Variants in TESC observed in about 807,000 individuals in gnomAD.
The protein encoded by TESC is tescalcin, also known as calcineurin B homologous protein 3.
In TESC, 19 loss-of-function variants were observed where a neutral mutation model predicts 31.0. The ratio of observed to expected loss-of-function variants is 0.61; its 90% CI spans 0.43 to 0.90. The LOEUF is 0.90. Among genes scored for constraint, TESC ranks in the 40% least tolerant of loss-of-function variants. The pLI is 0.00. For synonymous variants in TESC, 109 were observed against 114.8 expected (o/e 0.95, Z 0.32); for missense variants, 248 against 303.8 (o/e 0.82, Z 1.36).
chr12:117,039,118 G>C lies in TESC; in HGVS notation c.*15C>G. The C allele has an allele frequency of 1.9e-6, 3 of 1,613,540 alleles. No individual in the cohort carries two copies. The highest frequency in any genetic ancestry group is 2.5e-6 in the Non-Finnish European group (3 of 1,179,788). ...CCATTGCAAAGTGCAGTTTCTCCGC[G>C]GAGGTGGCGGTGGGTCAGTGGCAGA... On this transcript the variant is annotated 3_prime_UTR_variant, in exon 8 of 8. Transcript: ENST00000335209.
At chr12:117,062,802 G>A (rs1256653498) in intron 2 of TESC, among the ~76,000 whole-genome samples, 1 of 152,218 alleles carries the variant, frequency 6.6e-6, no homozygotes, top group African/African-American at 2.4e-5. Context: ...CGGGCTGGAT[G>A]AACCGGCTTT....
rs1955439296 is a variant in TESC, at chr12:117,099,235, G to A, written c.48C>T (p.Gly16=). The change falls in exon 1 of 8, where the codon GGC becomes GGT. Residue 16 remains glycine, a synonymous_variant. Coordinates refer to ENST00000335209, the MANE Select transcript of TESC (RefSeq NM_017899.4). The stretch of plus-strand genomic sequence containing the variant: ...CCCGCGGGTACTCACAGCCGGTCTT[G>A]CCCTCGAGCTCCCGCACCTCCTCAG... ...SASEEVRELE[G]KTGFSSDQIE... is the part of the protein sequence containing the mutation. 1 of 1,479,560 alleles carries A rather than the reference G, an allele frequency of 6.8e-7. No homozygotes were observed. Among genetic ancestry groups the A allele is most frequent in the Non-Finnish European group, 8.9e-7 (1 of 1,123,050 alleles). 91.7% of individuals were successfully genotyped at this position (1,479,560 alleles called of 1,614,324 possible).
In TESC at chr12:117,039,115, C is replaced by G. The variant is rs1185710219; in HGVS notation, c.*18G>C. ...GCCCCATTGCAAAGTGCAGTTTCTC[C>G]GCGGAGGTGGCGGTGGGTCAGTGGC... On this transcript the variant is annotated 3_prime_UTR_variant, in exon 8 of 8. Coordinates refer to ENST00000335209, the MANE Select transcript of TESC (RefSeq NM_017899.4). 22 of 1,613,000 alleles carry G rather than the reference C, an allele frequency of 1.4e-5. No individual in the cohort carries two copies. Among genetic ancestry groups the G allele is most frequent in the Non-Finnish European group, 1.9e-5 (22 of 1,179,624 alleles).
In TESC at chr12:117,052,053, G is replaced by A. The variant is rs190502088; in HGVS notation, c.210-2895C>T. ...CCTCCTGGAGTAGCTGGGATTACAG[G>A]TGCGTGCCACCACACCCAGCCCTCT... On this transcript the variant is annotated intron_variant, in intron 3 of 7. Transcript: ENST00000335209. Among the ~76,000 whole-genome samples the A allele has an allele frequency of 4.7e-3, 712 of 152,274 alleles. 2 individuals carry two copies. Among genetic ancestry groups the A allele is most frequent in the African/African-American group, 0.015 (634 of 41,554 alleles).
intron 1 of TESC, among the ~76,000 whole-genome samples, chr12:117,076,202 T>C (rs997890323): frequency 4.6e-5 from 7 of 151,126 alleles, no homozygotes; most frequent in Admixed American, 1.3e-4. Flanking sequence ...GGGCTTTTTA[T>C]AGTCACAGAC....
In TESC at chr12:117,099,385, G is replaced by A. The variant is rs1955442824; in HGVS notation, c.-103C>T. The A allele has an allele frequency of 5.9e-6, 7 of 1,185,206 alleles. No homozygotes were observed. In the Admixed American group the frequency reaches 2.1e-4, roughly 35 times the overall value. 73.4% of individuals were successfully genotyped at this position (1,185,206 alleles called of 1,614,324 possible). ...GGCCTCGGGTCCGGCCTCGGGTCGG[G>A]ACGCCGGCGAAGGCTCGGAGCCGCG... On this transcript the variant is annotated 5_prime_UTR_variant, in exon 1 of 8. Coordinates refer to ENST00000335209, the MANE Select transcript of TESC (RefSeq NM_017899.4).
rs564349398 is a variant in TESC, at chr12:117,062,807, G to A, written c.129-5921C>T. Among the ~76,000 whole-genome samples the A allele has an allele frequency of 6.6e-5, 10 of 152,300 alleles. No individual in the cohort carries two copies. In the South Asian group the frequency reaches 1.2e-3, roughly 19 times the overall value. Reference sequence around the variant, plus strand: ...AGGTCCCCGCCGGGCTGGATGAACCGGCTTTTCTAAAGGTGTCGCAGCCCA... The same window carrying A: ...AGGTCCCCGCCGGGCTGGATGAACCAGCTTTTCTAAAGGTGTCGCAGCCCA... On this transcript the variant is annotated intron_variant, in intron 2 of 7. Coordinates refer to ENST00000335209, the MANE Select transcript of TESC (RefSeq NM_017899.4).
At chr12:117,079,154 T>C (rs772996958) in intron 1 of TESC, among the ~76,000 whole-genome samples, 31 of 152,234 alleles carry the variant, frequency 2.0e-4, no homozygotes, top group Admixed American at 3.9e-4. Context: ...GTTTTCTTTT[T>C]TTTATTTGTC....
At chr12:117,046,729 G>T (rs370013814) in intron 5 of TESC, 48 bp downstream of exon 5, 2 of 1,553,698 alleles carry the variant, frequency 1.3e-6, no homozygotes, top group Non-Finnish European at 1.7e-6. Flanking sequence ...GGGGGGCAGA[G>T]GGGGAAGGCA....
At position 117,056,885 on chromosome 12, in the gene TESC, T is replaced by C. The variant is rs1361475410; in HGVS notation, c.130A>G (p.Lys44Glu). The part of the protein sequence containing the change: ...QLSGDQPTIR[K>E]ENFNNVPDLE... ...TCCGGGACATTGTTGAAGTTCTCCT[T>C]GCTGGTTTCCAAGAAGGAGAGATAC... is the stretch of plus-strand genomic sequence containing the variant. Residue 44 changes from lysine (K) to glutamate (E), a missense_variant and splice_region_variant, in exon 3 of 8, where the codon AAG (lysine) becomes GAG (glutamate). Coordinates refer to ENST00000335209, the MANE Select transcript of TESC (RefSeq NM_017899.4). 2 of 1,613,968 alleles carry C rather than the reference T, an allele frequency of 1.2e-6. No homozygotes were observed. Among genetic ancestry groups the C allele is most frequent in the African/African-American group, 2.7e-5 (2 of 74,904 alleles).
chr12:117,083,400 GATAAA>G (rs1955175342), intron 1 of TESC, among the ~76,000 whole-genome samples: 2 of 152,128 alleles, frequency 1.3e-5, no homozygotes, highest in East Asian at 3.8e-4. Flanking sequence ...TTATACCCGA[GATAAA>G]AGAAAATGTT....
At chr12:117,088,605 TG>T (rs1955254131) in intron 1 of TESC, among the ~76,000 whole-genome samples, 1 of 147,634 alleles carries the variant, frequency 6.8e-6, no homozygotes, top group Non-Finnish European at 1.5e-5. Context: ...CACTTGAACC[TG>T]GGAGGCGGAG....
chr12:117,088,470 C>T (rs1450622083), intron 1 of TESC, among the ~76,000 whole-genome samples: 1 of 152,076 alleles, frequency 6.6e-6, no homozygotes, highest in Non-Finnish European at 1.5e-5. Flanking sequence ...CACTGGAGGC[C>T]AGGAGTTTGA....
intron 6 of TESC, among the ~76,000 whole-genome samples, chr12:117,045,282 G>A (rs928771297): frequency 6.6e-6 from 1 of 152,236 alleles, no homozygotes; most frequent in African/African-American, 2.4e-5. Context: ...CCTCCGCCCC[G>A]AGATGCCTCT....
At chr12:117,078,624 T>C (rs1044345634) in intron 1 of TESC, among the ~76,000 whole-genome samples, 6 of 152,204 alleles carry the variant, frequency 3.9e-5, no homozygotes, top group Non-Finnish European at 4.4e-5. Flanking sequence ...AGAAATACAT[T>C]CCACATATAC....
At chr12:117,080,854 A>G (rs1955137780) in intron 1 of TESC, among the ~76,000 whole-genome samples, 1 of 152,076 alleles carries the variant, frequency 6.6e-6, no homozygotes, top group African/African-American at 2.4e-5. Flanking sequence ...CAGGGCCCCA[A>G]AGCCCACGGA....
chr12:117,058,153 G>A (rs1001243259), intron 2 of TESC, among the ~76,000 whole-genome samples: 2 of 152,090 alleles, frequency 1.3e-5, no homozygotes, highest in Non-Finnish European at 2.9e-5. Context: ...CCGGGAGGTG[G>A]AGGTTGCAGT....
chr12:117,040,009 G>A (rs750861739), intron 7 of TESC, among the ~76,000 whole-genome samples: 5 of 152,224 alleles, frequency 3.3e-5, no homozygotes, highest in Non-Finnish European at 5.9e-5. Flanking sequence ...GACGTGGTGG[G>A]CGGGTGACTT....
chr12:117,087,541 T>C (rs1350574402), intron 1 of TESC, among the ~76,000 whole-genome samples: 1 of 152,212 alleles, frequency 6.6e-6, no homozygotes, highest in Non-Finnish European at 1.5e-5. Flanking sequence ...TACTCTTCTC[T>C]CATGAGCAAT....
Sources: allele counts gnomAD v4.1 joint callset (sites outside exome capture counted in the v4.1 genomes callset), GRCh38; gene constraint gnomAD v4.1.1; transcripts MANE v1.5; gene names NCBI Gene and HGNC (gene_info 2026-07-23, HGNC 2026-07-21).